The following ZFHX3 variants were observed in gnomAD, a reference collection of about 807,000 sequenced individuals.
ZFHX3 encodes the protein zinc finger homeobox protein 3.
ZFHX3 carries 42 observed loss-of-function variants against 279.1 expected under a neutral mutation model. The ratio of observed to expected loss-of-function variants is 0.15; its 90% CI spans 0.12 to 0.19. ZFHX3 has a LOEUF of 0.19. Among genes scored for constraint, ZFHX3 ranks in the 10% least tolerant of loss-of-function variants. The pLI is 1.00. For missense variants in ZFHX3, 4,981 were observed against 4,754.0 expected, an observed-to-expected ratio of 1.05 and a Z score of -1.40; for synonymous variants, 2,293 against 1,957.8, an observed-to-expected ratio of 1.17 and a Z score of -4.52.
intron 3 of ZFHX3, among the ~76,000 whole-genome samples, chr16:72,907,541 CTATTTGTGTGTGTG>C (rs1215920638): frequency 8.5e-6 from 1 of 117,192 alleles, no homozygotes; most frequent in Non-Finnish European, 1.7e-5. Flanking sequence ...AAGGTTTCCT[CTATTTGTGTGTGTG>C]TGTGTGTGTG....
chr16:73,484,901 A>T (rs773363460), intron 2 of ZFHX3, among the ~76,000 whole-genome samples: 3 of 152,202 alleles, frequency 2.0e-5, no homozygotes, highest in Non-Finnish European at 4.4e-5. Context: ...AGGAATATAA[A>T]TCTACTTGGA....
chr16:73,317,814 G>T (rs1488549274), intron 4 of ZFHX3, among the ~76,000 whole-genome samples: 2 of 152,176 alleles, frequency 1.3e-5, no homozygotes, highest in African/African-American at 4.8e-5. Context: ...CCAGGTTCAC[G>T]CATGGAGATG....
At chr16:73,551,595 T>C (rs1286060121) in intron 2 of ZFHX3, among the ~76,000 whole-genome samples, 1 of 152,248 alleles carries the variant, frequency 6.6e-6, no homozygotes, top group Non-Finnish European at 1.5e-5. Context: ...CTTTGTTTCC[T>C]AATGCAGTCT....
At chr16:73,582,237 G>A (rs2051869589) in intron 2 of ZFHX3, among the ~76,000 whole-genome samples, 1 of 151,794 alleles carries the variant, frequency 6.6e-6, no homozygotes, top group Non-Finnish European at 1.5e-5. Context: ...CCCTAAAGGA[G>A]TTCTGGAGAA....
At chr16:73,260,768 C>T (rs748103412) in intron 4 of ZFHX3, among the ~76,000 whole-genome samples, 82 of 148,872 alleles carry the variant, frequency 5.5e-4, no homozygotes, top group Middle Eastern at 3.2e-3. Flanking sequence ...CTGCAACCTC[C>T]GCCTCCCGGG....
At chr16:73,754,516 C>T (rs891388897) in intron 1 of ZFHX3, among the ~76,000 whole-genome samples, 7 of 151,810 alleles carry the variant, frequency 4.6e-5, no homozygotes, top group African/African-American at 9.7e-5. Context: ...GTCCTTGGGC[C>T]GACCTTGCAG....
Position 73,486,201 on chromosome 16 carries a change from C to G in ZFHX3, c.-1546-29943G>C, listed in dbSNP as rs183152207. ...CGATTCAGCTATGACAGGAAATATC[C>G]TCTCCATTTACACAGGGCATACACG... On this transcript the variant is annotated intron_variant, in intron 2 of 17. Coordinates refer to the ZFHX3 transcript ENST00000641206. 2.7e-3 allele frequency among the ~76,000 whole-genome samples: 416 copies of G among 152,312 alleles called. 1 individual carries two copies. Among genetic ancestry groups the G allele is most frequent in the African/African-American group, 8.9e-3 (368 of 41,560 alleles).
intron 3 of ZFHX3, among the ~76,000 whole-genome samples, chr16:73,445,153 T>C (rs1412047343): frequency 6.6e-6 from 1 of 151,748 alleles, no homozygotes; most frequent in South Asian, 2.1e-4. Flanking sequence ...AAAAAAATCT[T>C]TTCATATACA....
At chr16:73,748,566 C>A (rs1214689791) in intron 1 of ZFHX3, among the ~76,000 whole-genome samples, 1 of 152,178 alleles carries the variant, frequency 6.6e-6, no homozygotes, top group Non-Finnish European at 1.5e-5. Flanking sequence ...GCTATACCCT[C>A]TGTTCAGTAT....
chr16:73,177,305 G>T (rs72797311), intron 5 of ZFHX3, among the ~76,000 whole-genome samples: 4,138 of 152,296 alleles, frequency 0.027, 78 homozygotes, highest in Non-Finnish European at 0.041. Context: ...GTTTGAATGG[G>T]TAGCAGATAA....
chr16:73,150,251 A>G (rs1301129125), intron 5 of ZFHX3, among the ~76,000 whole-genome samples: 1 of 152,114 alleles, frequency 6.6e-6, no homozygotes, highest in African/African-American at 2.4e-5. Context: ...GTAGGTGGAC[A>G]ATGTCATCTA....
At position 73,565,843 on chromosome 16, in the gene ZFHX3, G is replaced by A. The variant is rs565066004; in HGVS notation, c.-1546-109585C>T. Among the ~76,000 whole-genome samples the A allele has an allele frequency of 9.8e-5, 15 of 152,304 alleles. No homozygotes were observed. In the East Asian group the frequency reaches 2.1e-3, roughly 22 times the overall value. On this transcript the variant is annotated intron_variant, in intron 2 of 17. Coordinates refer to the ZFHX3 transcript ENST00000641206. ...GCAACTTACATCCTGTGCCTCACTC[G>A]TGTTGCTAGTCAGGGGACCAGTGGG...
intron 2 of ZFHX3, among the ~76,000 whole-genome samples, chr16:73,648,705 C>T (rs2052643534): frequency 6.6e-6 from 1 of 152,192 alleles, no homozygotes; most frequent in Admixed American, 6.5e-5. Flanking sequence ...AGCCACCGTG[C>T]TCACCCCAGT....
chr16:73,739,119 G>A (rs922652507), intron 1 of ZFHX3, among the ~76,000 whole-genome samples: 1 of 152,156 alleles, frequency 6.6e-6, no homozygotes, highest in Non-Finnish European at 1.5e-5. Flanking sequence ...CTTTTGCTCA[G>A]CCTCTCCAAT....
rs138817639 is a variant in ZFHX3 at position 72,950,897 on chromosome 16, G to A, written c.2788C>T (p.Leu930=). 3.7e-4 allele frequency: 593 copies of A among 1,613,946 alleles called. No homozygotes were observed. The highest frequency in any genetic ancestry group is 4.8e-4 in the Non-Finnish European group (563 of 1,180,048). Residue 930 remains leucine (L), a synonymous_variant, in exon 3 of 10, where the codon CTG becomes TTG. Coordinates refer to ENST00000268489, the MANE Select transcript of ZFHX3 (RefSeq NM_006885.4). ...TTGGTCTGGATGAAGCTCTCGCCCA[G>A]GTTCATCAGCTCCTCTGACACCAGC... The part of the protein sequence containing the change: ...GQLVSEELMN[L]GESFIQTNDP...
chr16:73,872,481 T>C (rs2142401919), intron 1 of ZFHX3, among the ~76,000 whole-genome samples: 2 of 151,996 alleles, frequency 1.3e-5, no homozygotes, highest in East Asian at 4.0e-4. Context: ...GTGACCAGCC[T>C]GCCTCAGCCT....
chr16:73,408,366 T>C (rs572461405), intron 3 of ZFHX3, among the ~76,000 whole-genome samples: 2 of 152,062 alleles, frequency 1.3e-5, no homozygotes, highest in Admixed American at 1.3e-4. Flanking sequence ...GGTCGTGAGG[T>C]CTCAAGCCAA....
chr16:73,029,820 G>A (rs529575724), intron 1 of ZFHX3, among the ~76,000 whole-genome samples: 1 of 152,224 alleles, frequency 6.6e-6, no homozygotes, highest in African/African-American at 2.4e-5. Flanking sequence ...GGGAGACATT[G>A]GCAAAAATTA....
chr16:73,600,869 C>G (rs1003244971), intron 2 of ZFHX3, among the ~76,000 whole-genome samples: 1 of 152,068 alleles, frequency 6.6e-6, no homozygotes, highest in Non-Finnish European at 1.5e-5. Context: ...ACACCACTGC[C>G]CTGAACATGG....
Sources: allele counts gnomAD v4.1 joint callset (sites outside exome capture counted in the v4.1 genomes callset), GRCh38; gene constraint gnomAD v4.1.1; transcripts MANE v1.5; gene names NCBI Gene and HGNC (gene_info 2026-07-23, HGNC 2026-07-21).